The following PLCXD1 variants were observed in gnomAD, a reference collection of about 807,000 sequenced individuals.
The protein encoded by PLCXD1 is PI-PLC X domain-containing protein 1.
In PLCXD1, 45 loss-of-function variants were observed where a neutral mutation model predicts 37.8. The ratio of observed to expected loss-of-function variants is 1.19; its 90% confidence interval spans 0.94 to 1.53. The LOEUF is 1.53. Among genes scored for constraint, PLCXD1 ranks in the 40% most tolerant of loss-of-function variants. The pLI is 0.00. For missense variants in PLCXD1, 539 were observed against 454.7 expected (o/e 1.19, Z -1.69); for synonymous variants, 246 against 206.9 (o/e 1.19, Z -1.62).
chrX:301,503 G>T lies in PLCXD1; in HGVS notation c.*2168G>T, dbSNP rs1360764038. 6.6e-6 allele frequency: 1 copy of T among 152,066 alleles called. No homozygotes were observed. The highest frequency in any genetic ancestry group is 1.5e-5 in the Non-Finnish European group (1 of 68,114). The allele number at this position is 152,066 out of a possible 1,614,324, so 9.4% of individuals were successfully genotyped here. A position where few individuals can be genotyped will look rare whatever the true frequency, so the allele number is the denominator to read the frequency against. ...TTGCTCAGGCTGGTGTGTAGTAGGG[G>T]CACAGTCATAGCTCACTGTAACCTT... On this transcript the variant is annotated 3_prime_UTR_variant, in exon 7 of 7. Transcript: ENST00000381657.
At position 300,991 on chromosome X, in the gene PLCXD1, C is replaced by G. The variant is rs1442650642; in HGVS notation, c.*1656C>G. 1 of 152,090 alleles carries G rather than the reference C, an allele frequency of 6.6e-6. No individual in the cohort carries two copies. The highest frequency in any genetic ancestry group is 1.5e-5 in the Non-Finnish European group (1 of 68,056). 9.4% of individuals were successfully genotyped at this position (152,090 alleles called of 1,614,324 possible). A position where few individuals can be genotyped will look rare whatever the true frequency, so the allele number is the denominator to read the frequency against. ...GTGCTGGGATGACAGGCATGAGCCA[C>G]TGTGCCCAGCCGCCGATATTTCTTT... On this transcript the variant is annotated 3_prime_UTR_variant, in exon 7 of 7. Transcript: ENST00000381657.
upstream of PLCXD1, chrX:281,339 C>T: frequency 6.3e-6 from 1 of 158,640 alleles, no homozygotes; most frequent in South Asian, 1.7e-4. Flanking sequence ...CTGGGCCCAG[C>T]AGGCTCCCGG....
In PLCXD1 at chrX:288,743, C is replaced by G. The variant is rs745525089; in HGVS notation, c.138C>G (p.Asp46Glu). Residue 46 changes from aspartate to glutamate, a missense_variant, in exon 3 of 7, where the codon GAC (aspartate) becomes GAG (glutamate). Asp to Glu is a conservative substitution (Grantham distance 45, BLOSUM62 2). Transcript: ENST00000381657. ...LHHLSIPGSH[D>E]TMTYCLNKKS... is the part of the protein sequence containing the mutation. Reference sequence around the variant, plus strand: ...GTGCTTTGCTCTCAGGGAGCCACGACACGATGACGTACTGCCTGAACAAGA... The same window carrying G: ...GTGCTTTGCTCTCAGGGAGCCACGAGACGATGACGTACTGCCTGAACAAGA... 38 of 1,613,890 alleles carry G rather than the reference C, an allele frequency of 2.4e-5. No individual in the cohort carries two copies. In the South Asian group the frequency reaches 3.8e-4, roughly 16 times the overall value.
rs375058815 is a variant in PLCXD1, at chrX:290,679, G to C, written c.296G>C (p.Gly99Ala). 14 of 1,613,738 alleles carry C rather than the reference G, an allele frequency of 8.7e-6. No individual in the cohort carries two copies. Among genetic ancestry groups the C allele is most frequent in the Non-Finnish European group, 1.2e-5 (14 of 1,179,808 alleles). The change falls in exon 4 of 7, where the codon GGG (glycine) becomes GCG (alanine). Residue 99 changes from glycine (G) to alanine (A), a missense_variant. Coordinates refer to ENST00000381657, the MANE Select transcript of PLCXD1 (RefSeq NM_018390.4). ...ALDVTEQLDA[G>A]VRYLDLRIAH... Reference sequence around the variant, plus strand: ...GACGTCACAGAGCAGCTGGATGCCGGGGTGCGGTACCTGGACCTGCGGATA... The same window carrying C: ...GACGTCACAGAGCAGCTGGATGCCGCGGTGCGGTACCTGGACCTGCGGATA...
chrX:292,271 C>G (rs7889205), intron 5 of PLCXD1, among the ~76,000 whole-genome samples: 1 of 151,330 alleles, frequency 6.6e-6, no homozygotes, highest in Admixed American at 6.6e-5. Flanking sequence ...CTGGCTAACA[C>G]GGTGAAACCC....
intron 4 of PLCXD1, 75 bp from the exon 5 acceptor site, chrX:291,424 G>A: frequency 6.4e-7 from 1 of 1,553,418 alleles, no homozygotes; most frequent in South Asian, 1.1e-5. Flanking sequence ...GGGATGACAG[G>A]CGTGAGCCGC....
In PLCXD1 at chrX:299,143, C is replaced by G. The variant is rs145415401; in HGVS notation, c.780C>G (p.Tyr260Ter). ...TCAACCTCACGGAGAACCTGCAGTA[C>G]GTTCTGGCGCACCCGTCCGAGTCCC... ...AGINLTENLQ[Y>*]VLAHPSESLE... Residue 260 changes from tyrosine (Y) to a stop codon, truncating the protein, a stop_gained, in exon 7 of 7, where the codon TAC becomes TAG. Transcript: ENST00000381657. LOFTEE classifies it high-confidence loss of function. 15 of 1,613,772 alleles carry G rather than the reference C, an allele frequency of 9.3e-6. No individual in the cohort carries two copies. The African/African-American group carries it at 2.0e-4, about 22-fold the overall frequency.
In PLCXD1 at chrX:301,466, G is replaced by A. The variant is rs1569340709; in HGVS notation, c.*2131G>A. 5 of 151,880 alleles carry A rather than the reference G, an allele frequency of 3.3e-5. No homozygotes were observed. Among genetic ancestry groups the A allele is most frequent in the South Asian group, 4.2e-4 (2 of 4,810 alleles). 9.4% of individuals were successfully genotyped at this position (151,880 alleles called of 1,614,324 possible). ...CAGCTAATTTTTTTTGTAGAGATGG[G>A]GTCTGGCTCTGTTGCTCAGGCTGGT... On this transcript the variant is annotated 3_prime_UTR_variant, in exon 7 of 7. Coordinates refer to ENST00000381657, the MANE Select transcript of PLCXD1 (RefSeq NM_018390.4).
chrX:288,171 G>A (rs1031542954), intron 2 of PLCXD1, among the ~76,000 whole-genome samples: 11 of 151,700 alleles, frequency 7.3e-5, no homozygotes, highest in Non-Finnish European at 1.5e-4. Flanking sequence ...ACTTCATCTT[G>A]AGCATTTTGA....
intron 3 of PLCXD1, among the ~76,000 whole-genome samples, chrX:289,871 G>C (rs1249316402): frequency 6.6e-6 from 1 of 152,034 alleles, no homozygotes; most frequent in African/African-American, 2.4e-5. Flanking sequence ...CGTGTCTTTA[G>C]GACCTGAGGC....
At chrX:294,263 A>ATT (rs1448434739) in intron 6 of PLCXD1, among the ~76,000 whole-genome samples, 4 of 152,050 alleles carry the variant, frequency 2.6e-5, no homozygotes, top group Admixed American at 2.6e-4. Flanking sequence ...CGGGCGGATC[A>ATT]TGAGGTCAGG....
At chrX:293,863 C>CTG (rs2069716960) in intron 6 of PLCXD1, among the ~76,000 whole-genome samples, 2 of 152,170 alleles carry the variant, frequency 1.3e-5, no homozygotes, top group African/African-American at 4.8e-5. Flanking sequence ...TTGCCGGGGG[C>CTG]TGCGGAGGGG....
At chrX:280,129 TTACAGGCGTGAGCCAGCGG>T (rs1364636204), upstream of PLCXD1, among the ~76,000 whole-genome samples, 14 of 152,170 alleles carry the variant, frequency 9.2e-5, no homozygotes, top group South Asian at 1.0e-3. Context: ...AGTGCTCGAA[TTACAGGCGTGAGCCAGCGG>T]GCCCCGCCCA....
chrX:284,640 A>G lies in PLCXD1; in HGVS notation c.127+326A>G, dbSNP rs185762219. The stretch of plus-strand genomic sequence containing the variant: ...TGCACATCTGCACACGCACATCTGC[A>G]CACACACATGCACATCTGCACACAC... On this transcript the variant is annotated intron_variant, in intron 2 of 6. Coordinates refer to ENST00000381657, the MANE Select transcript of PLCXD1 (RefSeq NM_018390.4). Among the ~76,000 whole-genome samples, 99 of 138,258 alleles carry G rather than the reference A, an allele frequency of 7.2e-4. No individual in the cohort carries two copies. The East Asian group carries it at 0.012, about 16-fold the overall frequency. The allele number at this position is 138,258 out of a possible 152,430, so 90.7% of individuals were successfully genotyped here. A position where few individuals can be genotyped will look rare whatever the true frequency, so the allele number is the denominator to read the frequency against.
chrX:295,423 A>C (rs2069772589), intron 6 of PLCXD1, among the ~76,000 whole-genome samples: 1 of 151,864 alleles, frequency 6.6e-6, no homozygotes, highest in East Asian at 1.9e-4. Context: ...TGCTTCCCAC[A>C]GGGGCAGCAT....
chrX:278,347 G>C (rs28669107), upstream of PLCXD1, among the ~76,000 whole-genome samples: 84,563 of 151,924 alleles, frequency 0.56, 24,014 homozygotes, highest in East Asian at 0.7. Context: ...GAGGATGTGA[G>C]TGTACAGCTT....
chrX:283,734 G>A (rs2069355442), intron 1 of PLCXD1: 2 of 159,676 alleles, frequency 1.3e-5, no homozygotes, highest in South Asian at 3.1e-4. Context: ...ATCGCCATGT[G>A]GGCTGGACCA....
At chrX:285,249 A>G (rs776477264) in intron 2 of PLCXD1, among the ~76,000 whole-genome samples, 12 of 152,166 alleles carry the variant, frequency 7.9e-5, no homozygotes, top group African/African-American at 2.4e-4. Context: ...GGCACATACT[A>G]ATGCACACAT....
Position 288,813 on chromosome X carries a change from A to G in PLCXD1, c.208A>G (p.Asn70Asp). 1 of 1,613,782 alleles carries G rather than the reference A, an allele frequency of 6.2e-7. No homozygotes were observed. The highest frequency in any genetic ancestry group is 8.5e-7 in the Non-Finnish European group (1 of 1,179,736). Residue 70 changes from asparagine to aspartate, a missense_variant, in exon 3 of 7, where the codon AAC becomes GAC. Physicochemically the swap from Asn to Asp is conservative, Grantham distance 23. Transcript: ENST00000381657. ...HEESRLLQLLNKALPCITRPV... is the reference protein window; with the variant it reads ...HEESRLLQLLDKALPCITRPV... ...GGAGTCCCGGCTGCTGCAGCTGCTG[A>G]ACAAGGCCTTGCCCTGCATCACGCG...
Sources: allele counts gnomAD v4.1 joint callset (sites outside exome capture counted in the v4.1 genomes callset), GRCh38; gene constraint gnomAD v4.1.1; transcripts MANE v1.5; gene names NCBI Gene and HGNC (gene_info 2026-07-23, HGNC 2026-07-21).